The following NPR2 variants were observed in gnomAD, a reference collection of about 807,000 sequenced individuals.
NPR2 encodes atrial natriuretic peptide receptor 2.
A neutral mutation model predicts 120.7 loss-of-function variants in NPR2; 49 were observed. The ratio of observed to expected loss-of-function variants is 0.41; its 90% CI spans 0.32 to 0.52. The LOEUF (loss-of-function observed/expected upper bound fraction) is 0.52. Among genes scored for constraint, NPR2 ranks in the 20% least tolerant of loss-of-function variants. NPR2 has a pLI of 0.36. For synonymous variants in NPR2, 484 were observed against 519.8 expected (o/e 0.93, Z 0.94); for missense variants, 931 against 1,362.9 (o/e 0.68, Z 4.99).
At position 35,806,108 on chromosome 9, in the gene NPR2, G is replaced by A. The variant is rs201525105; in HGVS notation, c.2247G>A (p.Arg749=). Reference sequence around the variant, plus strand: ...GAAATGGTCAGCGGCCATATTTCCGGCCAAGCATTGACCGGACCCAACTGA... The same window carrying A: ...GAAATGGTCAGCGGCCATATTTCCGACCAAGCATTGACCGGACCCAACTGA... ...KVRNGQRPYF[R]PSIDRTQLNE... Residue 749 remains arginine (R), a synonymous_variant, in exon 15 of 22, where the codon CGG becomes CGA. Coordinates refer to ENST00000342694, the MANE Select transcript of NPR2 (RefSeq NM_003995.4). This position sits in a 1 kb window ranked among gnomAD's most constrained non-coding sequence, Gnocchi z 4.6. 3.1e-6 allele frequency: 5 copies of A among 1,614,186 alleles called. No individual in the cohort carries two copies. In the African/African-American group the frequency reaches 6.7e-5, roughly 22 times the overall value.
At chr9:35,793,217 G>T (rs1588051075) in intron 1 of NPR2, 142 bp downstream of exon 1, 6 of 900,446 alleles carry the variant, frequency 6.7e-6, no homozygotes, top group Non-Finnish European at 9.9e-6. Context: ...CGTGGACAGA[G>T]CACCTGTGAG....
Sources: gnomAD v4.1 joint callset for allele counts on GRCh38, gnomAD v4.1.1 for gene constraint, Gnocchi (gnomAD v3.1) non-coding constraint, MANE v1.5 for transcripts, NCBI Gene and HGNC (gene_info 2026-07-23, HGNC 2026-07-21) for gene names.